Variants in PLD1 observed in about 807,000 individuals in gnomAD.
PLD1 encodes the protein phospholipase D1, also known as choline phosphatase 1.
Under a neutral mutation model 137.1 loss-of-function variants are expected in PLD1, and 112 were observed. That is an observed-to-expected ratio of 0.82 (90% CI 0.70 to 0.96). The LOEUF is 0.96. PLD1 is among the 40% of genes least tolerant of loss of function. PLD1 has a pLI of 0.00. For missense variants in PLD1, 1,321 were observed against 1,342.0 expected (o/e 0.98, Z 0.24); for synonymous variants, 431 against 454.7 (o/e 0.95, Z 0.66).
intron 14 of PLD1, among the ~76,000 whole-genome samples, chr3:171,688,091 T>C (rs111949481): frequency 0.013 from 1,951 of 151,982 alleles, 40 homozygotes; most frequent in African/African-American, 0.041. Context: ...CAGATTGATA[T>C]ACACTTTTTT....
intron 1 of PLD1, chr3:171,789,614 C>G (rs758956780): frequency 4.6e-5 from 7 of 152,304 alleles, no homozygotes; most frequent in Admixed American, 3.3e-4. Flanking sequence ...TCTTTCCATT[C>G]ATTTTAAAAG....
At chr3:171,691,094 A>G (rs967642163) in intron 13 of PLD1, among the ~76,000 whole-genome samples, 4 of 152,118 alleles carry the variant, frequency 2.6e-5, no homozygotes, top group African/African-American at 9.7e-5. Flanking sequence ...TTTTGATTTA[A>G]AGTCTATTTT....
chr3:171,743,497 A>G (rs993306701), intron 1 of PLD1, among the ~76,000 whole-genome samples: 8 of 152,080 alleles, frequency 5.3e-5, no homozygotes, highest in African/African-American at 1.9e-4. Flanking sequence ...TTTTCCCTGC[A>G]TGTCTTCCTG....
intron 1 of PLD1, among the ~76,000 whole-genome samples, chr3:171,800,489 A>G (rs1019310798): frequency 1.3e-5 from 2 of 152,216 alleles, no homozygotes; most frequent in African/African-American, 4.8e-5. Flanking sequence ...GATTACAGTC[A>G]TGAACCACCG....
At chr3:171,784,053 A>G (rs1722897794) in intron 1 of PLD1, among the ~76,000 whole-genome samples, 1 of 152,200 alleles carries the variant, frequency 6.6e-6, no homozygotes, top group African/African-American at 2.4e-5. Flanking sequence ...ACCCAGGGGT[A>G]TTATTTGACT....
chr3:171,625,501 G>A (rs1223850275), intron 23 of PLD1, among the ~76,000 whole-genome samples: 3 of 152,210 alleles, frequency 2.0e-5, no homozygotes, highest in Non-Finnish European at 2.9e-5. Flanking sequence ...GAAGAGAGCA[G>A]TGGTTCTCCC....
At chr3:171,726,253 G>A (rs1162516539) in intron 6 of PLD1, among the ~76,000 whole-genome samples, 177 bp from the exon 7 acceptor site, 1 of 152,104 alleles carries the variant, frequency 6.6e-6, no homozygotes, top group Non-Finnish European at 1.5e-5. Flanking sequence ...TATAAACAAT[G>A]AAGACACATC....
chr3:171,704,524 C>T (rs1333127070), intron 11 of PLD1, among the ~76,000 whole-genome samples: 3 of 145,936 alleles, frequency 2.1e-5, no homozygotes, highest in East Asian at 2.0e-4. Flanking sequence ...AATACCAAGA[C>T]GACATGGATA....
rs546135945 is a variant in PLD1 at position 171,659,143 on chromosome 3, CT to C, written c.2429+69del. On this transcript the variant is annotated intron_variant, in intron 21 of 26. Coordinates refer to ENST00000351298, the MANE Select transcript of PLD1 (RefSeq NM_002662.5). The stretch of plus-strand genomic sequence containing the variant: ...GAAATGACAGTACTTTAAAAATGGG[CT>C]TTGCAAAGTCATTTTAGTAATAAAT... The C allele has an allele frequency of 8.2e-4, 873 of 1,061,916 alleles. 2 individuals carry two copies. The highest frequency in any genetic ancestry group is 1.1e-3 in the Non-Finnish European group (740 of 684,194). 65.8% of individuals were successfully genotyped at this position (1,061,916 alleles called of 1,614,324 possible).
Position 171,659,242 on chromosome 3 carries a change from G to A in PLD1, c.2400C>T (p.Ala800=). The A allele has an allele frequency of 6.2e-7, 1 of 1,613,354 alleles. No individual in the cohort carries two copies. Among genetic ancestry groups the A allele is most frequent in the Non-Finnish European group, 8.5e-7 (1 of 1,179,272 alleles). ...GAGCTTTCAGGATCCTCTGGGCAATGGCATCGCCTATCTTGTTGAACACAA... is the reference window on the plus strand; with the variant it reads ...GAGCTTTCAGGATCCTCTGGGCAATAGCATCGCCTATCTTGTTGAACACAA... The part of the protein sequence containing the change: ...DKVVFNKIGD[A]IAQRILKAHR... The change falls in exon 21 of 27, where the codon GCC becomes GCT. Residue 800 remains alanine (A), a synonymous_variant. Transcript: ENST00000351298.
Position 171,737,584 on chromosome 3 carries a change from C to T in PLD1, c.236G>A (p.Cys79Tyr), listed in dbSNP as rs1719456460. The change falls in exon 3 of 27, where the codon TGT becomes TAT. Residue 79 changes from cysteine (C) to tyrosine (Y), a missense_variant. Cys to Tyr is a radical substitution (Grantham distance 194). Coordinates refer to ENST00000351298, the MANE Select transcript of PLD1 (RefSeq NM_002662.5). ...EPNIQTYLSG[C>Y]PIKAQVLEVE... Reference sequence around the variant, plus strand: ...TTCCAGAACTTGTGCTTTTATTGGACAGCCGGAGAGATACGTCTGTATATT... The same window carrying T: ...TTCCAGAACTTGTGCTTTTATTGGATAGCCGGAGAGATACGTCTGTATATT... 5 of 1,612,818 alleles carry T rather than the reference C, an allele frequency of 3.1e-6. No individual in the cohort carries two copies. Among genetic ancestry groups the T allele is most frequent in the Non-Finnish European group, 8.5e-7 (1 of 1,179,434 alleles).
chr3:171,704,457 G>GAAAAAAAAAAAAAAAAAA lies in PLD1; in HGVS notation c.1145+4297_1145+4298insTTTTTTTTTTTTTTTTTT, dbSNP rs1362665761. 2.0e-5 allele frequency among the ~76,000 whole-genome samples: 2 copies of GAAAAAAAAAAAAAAAAAA among 98,178 alleles called. 1 individual carries two copies. The highest frequency in any genetic ancestry group is 9.2e-5 in the African/African-American group (2 of 21,736). The allele number at this position is 98,178 out of a possible 152,430, so 64.4% of individuals were successfully genotyped here. ...AAAGTACCTGGCACACAAAGAACCA[G>GAAAAAAAAAAAAAAAAAA]GAAAAAAAAAAAAAAAAAAACCTTA... is the stretch of plus-strand genomic sequence containing the variant. On this transcript the variant is annotated intron_variant, in intron 11 of 26. Coordinates refer to ENST00000351298, the MANE Select transcript of PLD1 (RefSeq NM_002662.5).
At chr3:171,683,526 A>G (rs998360607) in intron 16 of PLD1, among the ~76,000 whole-genome samples, 12 of 119,408 alleles carry the variant, frequency 1.0e-4, no homozygotes, top group African/African-American at 4.2e-4. Context: ...CTTCTGTCGG[A>G]AACACCCTCT....
At chr3:171,787,928 G>A (rs1319994144) in intron 1 of PLD1, among the ~76,000 whole-genome samples, 1 of 151,884 alleles carries the variant, frequency 6.6e-6, no homozygotes, top group Non-Finnish European at 1.5e-5. Flanking sequence ...ATTCAGCCGG[G>A]TGCAGCAGTG....
chr3:171,714,817 C>CTAT (rs1383042614), intron 8 of PLD1, among the ~76,000 whole-genome samples: 1 of 151,802 alleles, frequency 6.6e-6, no homozygotes, highest in East Asian at 1.9e-4. Flanking sequence ...TTTAGGATAA[C>CTAT]TTATAGCAAA....
In PLD1 at chr3:171,686,567, T is replaced by C. The variant is rs1289834562; in HGVS notation, c.1867+118A>G. The stretch of plus-strand genomic sequence containing the variant: ...CAGAGCAGGCTCTCAATAATATACG[T>C]AGCATAAAAATTGCAAACAGAAAGC... On this transcript the variant is annotated intron_variant, in intron 16 of 26. Coordinates refer to ENST00000351298, the MANE Select transcript of PLD1 (RefSeq NM_002662.5). 20 of 661,670 alleles carry C rather than the reference T, an allele frequency of 3.0e-5. No homozygotes were observed. In the East Asian group the frequency reaches 5.2e-4, roughly 17 times the overall value. 41.0% of individuals were successfully genotyped at this position (661,670 alleles called of 1,614,324 possible).
chr3:171,732,137 TAAAG>T (rs1021212352), intron 6 of PLD1, among the ~76,000 whole-genome samples: 2 of 152,194 alleles, frequency 1.3e-5, no homozygotes, highest in African/African-American at 4.8e-5. Flanking sequence ...AGTTGTCTGT[TAAAG>T]AAAATAGCAT....
intron 2 of PLD1, 83 bp from the exon 3 acceptor site, chr3:171,737,742 G>T: frequency 7.9e-7 from 1 of 1,265,140 alleles, no homozygotes; most frequent in Non-Finnish European, 1.1e-6. Context: ...AGAATCACGT[G>T]TTAAAACAAG....
At chr3:171,620,744 A>ATATATATATATATATATATATAT (rs1733540782) in intron 23 of PLD1, among the ~76,000 whole-genome samples, 2 of 49,402 alleles carry the variant, frequency 4.0e-5, no homozygotes, top group African/African-American at 1.2e-4. Flanking sequence ...CTCTCTCTCT[A>ATATATATATATATATATATATAT]TATATATATA....
Sources: gnomAD v4.1 joint callset for allele counts (sites outside exome capture counted in the v4.1 genomes callset) on GRCh38, gnomAD v4.1.1 for gene constraint, MANE v1.5 for transcripts, NCBI Gene and HGNC (gene_info 2026-07-23, HGNC 2026-07-21) for gene names.